Variants in ZNF85 observed in about 807,000 individuals in gnomAD.
ZNF85 encodes the protein zinc finger protein 85.
ZNF85 carries 50 observed loss-of-function variants against 53.9 expected under a neutral mutation model. The observed-to-expected ratio is 0.93, with a 90% confidence interval of 0.74 to 1.17. ZNF85 has a LOEUF of 1.17. Among genes scored for constraint, ZNF85 ranks in the 50% most tolerant of loss-of-function variants. ZNF85 has a pLI of 0.00. For synonymous variants in ZNF85, 225 were observed against 226.1 expected (o/e 1.00, Z 0.04); for missense variants, 747 against 688.5 (o/e 1.08, Z -0.95).
In ZNF85 at chr19:20,949,502, A is replaced by G. The variant is rs1973515620; in HGVS notation, c.988A>G (p.Thr330Ala). ...GKAFKQSSNL[T>A]THKIIHTGEK... is the part of the protein sequence containing the mutation. ...AGCCTTTAAGCAGTCCTCAAACCTT[A>G]CTACACATAAGATAATTCATACTGG... The change falls in exon 4 of 4, where the codon ACT (threonine) becomes GCT (alanine). Residue 330 changes from threonine (T) to alanine (A), a missense_variant. Transcript: ENST00000328178. 1.2e-6 allele frequency: 2 copies of G among 1,613,484 alleles called. No individual in the cohort carries two copies. The highest frequency in any genetic ancestry group is 1.7e-6 in the Non-Finnish European group (2 of 1,179,732).
intron 3 of ZNF85, chr19:20,943,084 TAAATTTAA>T: frequency 2.4e-6 from 1 of 417,208 alleles, no homozygotes; most frequent in South Asian, 8.2e-5. Flanking sequence ...CCAGTATTCT[TAAATTTAA>T]TAAGATTTGT....
rs983178061 is a variant in ZNF85, at chr19:20,950,353, A to G, written c.*51A>G. 7.7e-7 allele frequency: 1 copy of G among 1,305,080 alleles called. No individual in the cohort carries two copies. The highest frequency in any genetic ancestry group is 1.0e-6 in the Non-Finnish European group (1 of 964,266). The allele number at this position is 1,305,080 out of a possible 1,614,324, so 80.8% of individuals were successfully genotyped here. A position where few individuals can be genotyped will look rare whatever the true frequency, so the allele number is the denominator to read the frequency against. ...TTACAAGTCTTACTAAACATAAGAAAATTTATACTGGAGAGAAACTACTAA... is the reference window on the plus strand; with the variant it reads ...TTACAAGTCTTACTAAACATAAGAAGATTTATACTGGAGAGAAACTACTAA... On this transcript the variant is annotated 3_prime_UTR_variant, in exon 4 of 4. Coordinates refer to ENST00000328178, the MANE Select transcript of ZNF85 (RefSeq NM_003429.5).
intron 3 of ZNF85, chr19:20,937,084 G>A: frequency 4.0e-6 from 1 of 248,270 alleles, no homozygotes; most frequent in Non-Finnish European, 8.2e-6. Context: ...TCAGGCTGGA[G>A]TGCAGTGGCA....
At chr19:20,924,656 T>G (rs1348612483) in intron 1 of ZNF85, among the ~76,000 whole-genome samples, 3 of 152,232 alleles carry the variant, frequency 2.0e-5, no homozygotes, top group Non-Finnish European at 4.4e-5. Context: ...TGATACACAT[T>G]ATCAATTATT....
chr19:20,923,276 G>T lies in ZNF85; in HGVS notation c.-125G>T. ...GCCTTTGTCTCTCGCTGCAGCCTGA[G>T]CTCTAGGTCTTGTTTTCCCTGCTTT... On this transcript the variant is annotated 5_prime_UTR_variant, in exon 1 of 4. Transcript: ENST00000328178. The T allele has an allele frequency of 2.0e-6, 3 of 1,484,394 alleles. No individual in the cohort carries two copies. Among genetic ancestry groups the T allele is most frequent in the Non-Finnish European group, 2.8e-6 (3 of 1,071,272 alleles). The allele number at this position is 1,484,394 out of a possible 1,614,324, so 92.0% of individuals were successfully genotyped here.
intron 3 of ZNF85, among the ~76,000 whole-genome samples, chr19:20,940,687 A>AC (rs1206251086): frequency 6.6e-6 from 1 of 152,188 alleles, no homozygotes; most frequent in African/African-American, 2.4e-5. Context: ...CTCTTGACAA[A>AC]CACCCTTCCA....
chr19:20,949,051 T>G lies in ZNF85; in HGVS notation c.537T>G (p.Cys179Trp). 6.2e-7 allele frequency: 1 copy of G among 1,613,914 alleles called. No individual in the cohort carries two copies. Among genetic ancestry groups the G allele is most frequent in the East Asian group, 2.2e-5 (1 of 44,860 alleles). ...TKKKPFKCTK[C>W]GKSFGMISCL... ...AGAAACCTTTCAAATGTACAAAATGTGGCAAATCATTTGGCATGATTTCAT... is the reference window on the plus strand; with the variant it reads ...AGAAACCTTTCAAATGTACAAAATGGGGCAAATCATTTGGCATGATTTCAT... Residue 179 changes from cysteine (C) to tryptophan (W), a missense_variant, in exon 4 of 4, where the codon TGT becomes TGG. Coordinates refer to ENST00000328178, the MANE Select transcript of ZNF85 (RefSeq NM_003429.5).
At chr19:20,933,999 A>T (rs773681148) in intron 1 of ZNF85, 25 bp from the exon 2 acceptor site, 1 of 979,354 alleles carries the variant, frequency 1.0e-6, no homozygotes. Context: ...GTGTGTGTGT[A>T]TGTGTATGTG....
At chr19:20,940,016 G>T (rs1479597636) in intron 3 of ZNF85, among the ~76,000 whole-genome samples, 1 of 151,280 alleles carries the variant, frequency 6.6e-6, no homozygotes. Context: ...ATTTTCAGTG[G>T]TTGTTTCATC....
chr19:20,928,736 G>T (rs1041000261), intron 1 of ZNF85: 2 of 152,162 alleles, frequency 1.3e-5, no homozygotes, highest in African/African-American at 4.8e-5. Context: ...CCAACCTAGG[G>T]TTCTGGACCA....
chr19:20,940,297 G>T (rs1422249983), intron 3 of ZNF85, among the ~76,000 whole-genome samples: 1 of 152,066 alleles, frequency 6.6e-6, no homozygotes, highest in African/African-American at 2.4e-5. Context: ...ATTTGGAGAG[G>T]CCAAGACAAA....
intron 1 of ZNF85, chr19:20,928,550 C>G (rs1972933371): frequency 6.6e-6 from 1 of 152,376 alleles, no homozygotes; most frequent in Non-Finnish European, 1.5e-5. Context: ...CACTCACACA[C>G]ACTAGACATT....
Position 20,935,049 on chromosome 19 carries a change from T to G in ZNF85, c.229+2T>G, listed in dbSNP as rs1230339470. The G allele has an allele frequency of 2.5e-6, 4 of 1,602,774 alleles. No homozygotes were observed. The Admixed American group carries it at 6.7e-5, about 27-fold the overall frequency. Reference sequence around the variant, plus strand: ...AGATCATGGTGGCCAAACCCACAGGTAGGTGAAAGTGAAAATGAATACAGC... The same window carrying G: ...AGATCATGGTGGCCAAACCCACAGGGAGGTGAAAGTGAAAATGAATACAGC... On this transcript the variant is annotated splice_donor_variant, in intron 3 of 3. Transcript: ENST00000328178. LOFTEE classifies it high-confidence loss of function.
At chr19:20,926,398 A>T (rs1972881012) in intron 1 of ZNF85, among the ~76,000 whole-genome samples, 1 of 152,216 alleles carries the variant, frequency 6.6e-6, no homozygotes, top group Admixed American at 6.5e-5. Context: ...TCTGAAAGGA[A>T]TAAATGCTTT....
rs1392758640 is a variant in ZNF85, at chr19:20,950,020, A to G, written c.1506A>G (p.Ile502Met). The change falls in exon 4 of 4, where the codon ATA becomes ATG. Residue 502 changes from isoleucine (I) to methionine (M), a missense_variant. Transcript: ENST00000328178. ...KWPSTLTIHK[I>M]IHTGEKPYKC... ...CCTCAACCCTTACTATCCATAAGAT[A>G]ATTCATACTGGAGAGAAACCATACA... The G allele has an allele frequency of 1.2e-6, 2 of 1,613,098 alleles. No homozygotes were observed. Among genetic ancestry groups the G allele is most frequent in the East Asian group, 2.2e-5 (1 of 44,792 alleles).
chr19:20,949,373 A>G lies in ZNF85; in HGVS notation c.859A>G (p.Lys287Glu), dbSNP rs746927127. The G allele has an allele frequency of 2.5e-6, 4 of 1,609,654 alleles. No individual in the cohort carries two copies. In the South Asian group the frequency reaches 3.3e-5, roughly 13 times the overall value. Residue 287 changes from lysine (K) to glutamate (E), a missense_variant, in exon 4 of 4, where the codon AAA (lysine) becomes GAA (glutamate). Lys to Glu is a moderately conservative substitution (Grantham distance 56, BLOSUM62 1). Transcript: ENST00000328178. ...KIIHTGEKPY[K>E]CKECGKAFNR... is the part of the protein sequence containing the mutation. ...AATTCATACTGGAGAGAAACCCTAC[A>G]AATGTAAAGAATGTGGTAAAGCTTT...
chr19:20,934,330 C>T (rs969402276), intron 2 of ZNF85, among the ~76,000 whole-genome samples, 180 bp downstream of exon 2: 1 of 152,098 alleles, frequency 6.6e-6, no homozygotes, highest in African/African-American at 2.4e-5. Context: ...TTCATTTTGA[C>T]CTTAACTTTC....
chr19:20,947,488 CTTTTTTTTTTT>C (rs768097517), intron 3 of ZNF85, among the ~76,000 whole-genome samples: 28 of 51,638 alleles, frequency 5.4e-4, no homozygotes, highest in Admixed American at 1.0e-3. Flanking sequence ...TGCCAATACA[CTTTTTTTTTTT>C]TTTTTTTTTT....
At chr19:20,934,232 G>A (rs1464581593) in intron 2 of ZNF85, 82 bp downstream of exon 2, 4 of 1,536,732 alleles carry the variant, frequency 2.6e-6, no homozygotes, top group East Asian at 4.6e-5. Context: ...TTCTGGTAAA[G>A]TGTGCTTTGC....
Sources: allele counts gnomAD v4.1 joint callset (sites outside exome capture counted in the v4.1 genomes callset), GRCh38; gene constraint gnomAD v4.1.1; transcripts MANE v1.5; gene names NCBI Gene and HGNC (gene_info 2026-07-23, HGNC 2026-07-21).